The following MEGF11 variants were observed in gnomAD, a reference collection of about 807,000 sequenced individuals.
The protein encoded by MEGF11 is multiple epidermal growth factor-like domains protein 11.
A neutral mutation model predicts 146.6 loss-of-function variants in MEGF11; 126 were observed. The ratio of observed to expected loss-of-function variants is 0.86; its 90% CI spans 0.74 to 1.00. The LOEUF (loss-of-function observed/expected upper bound fraction) is 1.00. MEGF11 is among the 50% of genes least tolerant of loss of function. MEGF11 has a pLI of 0.00. For synonymous variants in MEGF11, 532 were observed against 583.4 expected, an observed-to-expected ratio of 0.91 and a Z score of 1.27; for missense variants, 1,509 against 1,521.2, an observed-to-expected ratio of 0.99 and a Z score of 0.13.
intron 5 of MEGF11, among the ~76,000 whole-genome samples, chr15:65,990,694 A>AAAG (rs1446998482): frequency 6.1e-4 from 44 of 72,076 alleles, no homozygotes; most frequent in African/African-American, 2.5e-3. Context: ...AGAAAGGAAG[A>AAAG]GAAAGAAAGA....
chr15:65,968,096 AAG>A (rs2141591825), intron 8 of MEGF11, among the ~76,000 whole-genome samples: 1 of 110,892 alleles, frequency 9.0e-6, no homozygotes, highest in Non-Finnish European at 1.8e-5. Context: ...CATGAAGGGA[AAG>A]AGAGCAGAAA....
At chr15:66,038,401 T>C (rs541645948) in intron 5 of MEGF11, among the ~76,000 whole-genome samples, 1 of 152,276 alleles carries the variant, frequency 6.6e-6, no homozygotes, top group African/African-American at 2.4e-5. Flanking sequence ...AATCGAGGGA[T>C]GGTTAAGGGA....
intron 1 of MEGF11, among the ~76,000 whole-genome samples, chr15:66,178,662 C>T (rs996719193): frequency 2.0e-5 from 3 of 152,108 alleles, no homozygotes; most frequent in African/African-American, 7.2e-5. Flanking sequence ...ATTTGCAGAC[C>T]CTGAGAGTGA....
At chr15:66,140,678 C>T (rs2089102666) in intron 1 of MEGF11, among the ~76,000 whole-genome samples, 1 of 152,146 alleles carries the variant, frequency 6.6e-6, no homozygotes, top group African/African-American at 2.4e-5. Context: ...CATGGGAGGC[C>T]TCTGACACAG....
At chr15:66,106,558 G>T (rs541679010) in intron 4 of MEGF11, among the ~76,000 whole-genome samples, 1 of 152,260 alleles carries the variant, frequency 6.6e-6, no homozygotes, top group East Asian at 1.9e-4. Context: ...TTGTTTACAG[G>T]TGAGTAAACT....
intron 10 of MEGF11, among the ~76,000 whole-genome samples, chr15:65,931,987 C>T (rs999603656): frequency 6.6e-6 from 1 of 152,182 alleles, no homozygotes; most frequent in Non-Finnish European, 1.5e-5. Context: ...GCTGCTTAAC[C>T]ATTACATTAC....
At chr15:66,040,280 G>A (rs2083913030) in intron 5 of MEGF11, 1 of 154,848 alleles carries the variant, frequency 6.5e-6, no homozygotes, top group African/African-American at 2.4e-5. Flanking sequence ...AGCTCAGGAG[G>A]GCTTCCTGGG....
chr15:65,995,227 A>G (rs1359576234), intron 5 of MEGF11, among the ~76,000 whole-genome samples: 3 of 152,230 alleles, frequency 2.0e-5, no homozygotes, highest in African/African-American at 7.2e-5. Flanking sequence ...CAGCCTGGGT[A>G]GGCTGCAGAG....
At chr15:66,191,324 G>A (rs941571726) in intron 1 of MEGF11, among the ~76,000 whole-genome samples, 4 of 152,112 alleles carry the variant, frequency 2.6e-5, no homozygotes, top group African/African-American at 9.7e-5. Flanking sequence ...CAAAGGATTC[G>A]GCTTTTAAGG....
chr15:65,949,587 C>T (rs1199125400), intron 10 of MEGF11, among the ~76,000 whole-genome samples: 1 of 152,224 alleles, frequency 6.6e-6, no homozygotes, highest in African/African-American at 2.4e-5. Flanking sequence ...ACTGGAGCCC[C>T]TCTCCTCTGC....
At chr15:66,118,280 G>A (rs1046926681) in intron 4 of MEGF11, among the ~76,000 whole-genome samples, 2 of 151,870 alleles carry the variant, frequency 1.3e-5, no homozygotes, top group Admixed American at 6.6e-5. Context: ...GGGACCCTAC[G>A]ATCATCCTCC....
intron 24 of MEGF11, chr15:65,901,861 T>G (rs1171940485): frequency 6.6e-6 from 1 of 152,040 alleles, no homozygotes; most frequent in Non-Finnish European, 1.5e-5. Context: ...GTTTCTACTT[T>G]AGAATGAGGA....
chr15:66,168,060 C>T (rs1257903977), intron 1 of MEGF11, among the ~76,000 whole-genome samples: 2 of 152,110 alleles, frequency 1.3e-5, no homozygotes, highest in Non-Finnish European at 2.9e-5. Context: ...TCCTATCAAC[C>T]CTTGCTTATA....
intron 1 of MEGF11, among the ~76,000 whole-genome samples, chr15:66,141,333 A>T (rs1369525180): frequency 6.8e-6 from 1 of 146,590 alleles, no homozygotes; most frequent in Non-Finnish European, 1.5e-5. Context: ...ATCTCTTTGG[A>T]TCAGAGCTTC....
chr15:66,172,376 G>A (rs1174217602), intron 1 of MEGF11, among the ~76,000 whole-genome samples: 2 of 151,810 alleles, frequency 1.3e-5, no homozygotes, highest in Non-Finnish European at 2.9e-5. Flanking sequence ...TGCCTGCTCC[G>A]TGGCCTGGTG....
At chr15:66,226,158 C>T (rs570799570) in intron 1 of MEGF11, among the ~76,000 whole-genome samples, 186 of 152,342 alleles carry the variant, frequency 1.2e-3, no homozygotes, top group Admixed American at 3.4e-3. Flanking sequence ...ACGCTGTAGA[C>T]GCCCCCTGCC....
chr15:65,909,090 T>C lies in MEGF11; in HGVS notation c.2942A>G (p.Glu981Gly). 1.3e-6 allele frequency: 2 copies of C among 1,535,800 alleles called. No homozygotes were observed. The highest frequency in any genetic ancestry group is 1.4e-5 in the African/African-American group (1 of 73,038). ...ISALEARYPP[E>G]DFYIELRHLS... ...GTGTCTAAGTTCAATGTAGAAGTCC[T>C]CGGGCGGGTACCTGGCCTCCAGGGC... Residue 981 changes from glutamate (E) to glycine (G), a missense_variant, in exon 23 of 26, where the codon GAG becomes GGG. Transcript: ENST00000395614.
chr15:66,127,725 G>C (rs1031922702), intron 2 of MEGF11, among the ~76,000 whole-genome samples: 1 of 152,062 alleles, frequency 6.6e-6, no homozygotes, highest in Non-Finnish European at 1.5e-5. Context: ...GCAGGGACCC[G>C]GCCCATTCCC....
chr15:66,040,669 G>C (rs990139825), intron 5 of MEGF11, among the ~76,000 whole-genome samples: 2 of 152,178 alleles, frequency 1.3e-5, no homozygotes, highest in Non-Finnish European at 1.5e-5. Flanking sequence ...AGTGGATGAG[G>C]AGAGGAGTGG....
Sources: allele counts gnomAD v4.1 joint callset (sites outside exome capture counted in the v4.1 genomes callset), GRCh38; gene constraint gnomAD v4.1.1; transcripts MANE v1.5; gene names NCBI Gene and HGNC (gene_info 2026-07-23, HGNC 2026-07-21).